Variants in SPATS2L observed in about 807,000 individuals in gnomAD.
SPATS2L encodes spermatogenesis associated serine rich 2 like, also known as SPATS2-like protein.
In SPATS2L, 30 loss-of-function variants were observed where a neutral mutation model predicts 59.6. The observed-to-expected ratio is 0.50, with a 90% CI of 0.38 to 0.68. SPATS2L has a LOEUF of 0.68. SPATS2L is among the 30% of genes least tolerant of loss of function. SPATS2L has a pLI of 0.00. For synonymous variants in SPATS2L, 252 were observed against 263.5 expected (o/e 0.96, Z 0.42); for missense variants, 615 against 700.0 (o/e 0.88, Z 1.37).
At chr2:200,316,881 C>G (rs2079398945) in intron 1 of SPATS2L, among the ~76,000 whole-genome samples, 1 of 152,146 alleles carries the variant, frequency 6.6e-6, no homozygotes, top group South Asian at 2.1e-4. Flanking sequence ...CTTGGCTTTT[C>G]CCTGGCTCCA....
At chr2:200,332,879 G>C (rs917473245) in intron 2 of SPATS2L, among the ~76,000 whole-genome samples, 1 of 151,756 alleles carries the variant, frequency 6.6e-6, no homozygotes, top group Admixed American at 6.6e-5. Flanking sequence ...TAGGAGAATA[G>C]ATTAATAAAT....
At chr2:200,403,359 T>C (rs1477969172) in intron 3 of SPATS2L, among the ~76,000 whole-genome samples, 1 of 152,234 alleles carries the variant, frequency 6.6e-6, no homozygotes, top group Non-Finnish European at 1.5e-5. Context: ...ACGTTTACTC[T>C]ATAAAGATGG....
intron 4 of SPATS2L, 106 bp downstream of exon 4, chr2:200,412,525 T>C (rs1336579241): frequency 2.5e-5 from 14 of 560,710 alleles, no homozygotes; most frequent in Non-Finnish European, 4.2e-5. Context: ...ATGTGTACTT[T>C]AGGTCTCATA....
intron 2 of SPATS2L, chr2:200,378,449 G>A: frequency 1.0e-6 from 1 of 965,796 alleles, no homozygotes; most frequent in Non-Finnish European, 1.3e-6. Context: ...CTGCCTGGGG[G>A]TACTCTCCAA....
At chr2:200,372,195 G>T (rs1325776986) in intron 2 of SPATS2L, 2 of 985,194 alleles carry the variant, frequency 2.0e-6, no homozygotes, top group Admixed American at 6.2e-5. Flanking sequence ...AAACAACATT[G>T]TTTCTCCCTT....
At chr2:200,372,263 C>A in intron 2 of SPATS2L, 1 of 904,270 alleles carries the variant, frequency 1.1e-6, no homozygotes, top group Non-Finnish European at 1.3e-6. Flanking sequence ...TAAGTGAATT[C>A]CCTCTCCATT....
intron 1 of SPATS2L, among the ~76,000 whole-genome samples, chr2:200,326,490 C>T (rs2079747456): frequency 6.6e-6 from 1 of 152,166 alleles, no homozygotes; most frequent in Admixed American, 6.5e-5. Flanking sequence ...AGCTATTTAT[C>T]CAAATGAGCA....
At position 200,402,449 on chromosome 2, in the gene SPATS2L, C is replaced by T. The variant is rs145016316; in HGVS notation, c.40-9862C>T. Among the ~76,000 whole-genome samples, 401 of 152,286 alleles carry T rather than the reference C, an allele frequency of 2.6e-3. 3 individuals are homozygous for T. The highest frequency in any genetic ancestry group is 0.012 in the East Asian group (61 of 5,180). ...TCACTCAGTCCTATCTCTTCATAGA[C>T]GTTGTGCCCTCTTCCTGGAATGTTC... On this transcript the variant is annotated intron_variant, in intron 3 of 12. Coordinates refer to ENST00000409140, the MANE Select transcript of SPATS2L (RefSeq NM_001100423.2).
At chr2:200,395,749 G>T (rs938545912) in intron 3 of SPATS2L, among the ~76,000 whole-genome samples, 1 of 151,896 alleles carries the variant, frequency 6.6e-6, no homozygotes, top group Middle Eastern at 3.2e-3. Flanking sequence ...GCCTGGCATG[G>T]TGGCTCACAC....
Position 200,422,736 on chromosome 2 carries a change from G to A in SPATS2L, c.445+3240G>A, listed in dbSNP as rs2083365930. On this transcript the variant is annotated intron_variant, in intron 6 of 12. Coordinates refer to ENST00000409140, the MANE Select transcript of SPATS2L (RefSeq NM_001100423.2). ...TGGAAGATAGGTTCCAGGACCCCTA[G>A]TGGATGCCTGAAATCACGTACACTG... Among the ~76,000 whole-genome samples, 3 of 152,112 alleles carry A rather than the reference G, an allele frequency of 2.0e-5. 1 individual carries two copies. In the South Asian group the frequency reaches 6.2e-4, roughly 32 times the overall value.
chr2:200,443,632 G>A (rs1171955100), intron 8 of SPATS2L, among the ~76,000 whole-genome samples: 1 of 152,136 alleles, frequency 6.6e-6, no homozygotes, highest in Non-Finnish European at 1.5e-5. Flanking sequence ...TACTCAACAA[G>A]CATTTCGTGT....
At chr2:200,375,651 G>T (rs549410329) in intron 2 of SPATS2L, among the ~76,000 whole-genome samples, 3 of 152,118 alleles carry the variant, frequency 2.0e-5, no homozygotes, top group African/African-American at 7.2e-5. Flanking sequence ...TTTGAGATAG[G>T]GTCTTACTCT....
At position 200,468,908 on chromosome 2, in the gene SPATS2L, C is replaced by T. The variant is rs150550793; in HGVS notation, c.958-1006C>T. The stretch of plus-strand genomic sequence containing the variant: ...GATCTATTGAAATCACCTCATCTTC[C>T]GAGTTTCATTTCTGCCTATCAAAAC... On this transcript the variant is annotated intron_variant, in intron 10 of 12. Transcript: ENST00000409140. 7.9e-4 allele frequency among the ~76,000 whole-genome samples: 121 copies of T among 152,270 alleles called. 1 individual carries two copies. Among genetic ancestry groups the T allele is most frequent in the African/African-American group, 2.4e-3 (101 of 41,570 alleles).
chr2:200,350,944 G>A (rs1226621290), intron 2 of SPATS2L, among the ~76,000 whole-genome samples: 1 of 152,052 alleles, frequency 6.6e-6, no homozygotes, highest in Admixed American at 6.6e-5. Context: ...CTTGGCTTCA[G>A]CAATACAGAG....
upstream of SPATS2L, chr2:200,306,462 A>C (rs1015579016): frequency 8.0e-6 from 8 of 1,002,010 alleles, no homozygotes; most frequent in African/African-American, 1.4e-4. Context: ...TGGGGTGGGA[A>C]AGGAGCTAGG....
chr2:200,319,584 A>G (rs2105768087), intron 1 of SPATS2L, among the ~76,000 whole-genome samples: 2 of 151,732 alleles, frequency 1.3e-5, no homozygotes, highest in African/African-American at 4.8e-5. Context: ...AAAAAAAAAA[A>G]AAAAGCATCT....
intron 7 of SPATS2L, 33 bp from the exon 8 acceptor site, chr2:200,440,616 C>T (rs2084631592): frequency 3.1e-6 from 5 of 1,598,182 alleles, no homozygotes; most frequent in Non-Finnish European, 4.3e-6. Flanking sequence ...ATTAAATGCT[C>T]AAGTTAATAA....
intron 2 of SPATS2L, among the ~76,000 whole-genome samples, chr2:200,384,562 CAG>C (rs1405015355): frequency 6.6e-6 from 1 of 152,166 alleles, no homozygotes; most frequent in Non-Finnish European, 1.5e-5. Context: ...CCGTGTTAGC[CAG>C]GATGGTCTTG....
At position 200,389,064 on chromosome 2, in the gene SPATS2L, A is replaced by G. The variant is rs954375391; in HGVS notation, c.-22-159A>G. On this transcript the variant is annotated intron_variant, in intron 2 of 12. Transcript: ENST00000409140. ...AGTTATTGTAACATGCTTTTAGAAC[A>G]TGTCTAAGTCAGATGCTTAGCTTGA... is the stretch of plus-strand genomic sequence containing the variant. 4.6e-5 allele frequency among the ~76,000 whole-genome samples: 7 copies of G among 152,244 alleles called. No individual in the cohort carries two copies. In the South Asian group the frequency reaches 6.2e-4, roughly 14 times the overall value.
Sources: allele counts gnomAD v4.1 joint callset (sites outside exome capture counted in the v4.1 genomes callset), GRCh38; gene constraint gnomAD v4.1.1; transcripts MANE v1.5; gene names NCBI Gene and HGNC (gene_info 2026-07-23, HGNC 2026-07-21).